The following ADAMTSL3 variants were observed in gnomAD, a reference collection of about 807,000 sequenced individuals.
The protein encoded by ADAMTSL3 is ADAMTS like 3, also known as ADAMTS-like protein 3.
A neutral mutation model predicts 201.7 loss-of-function variants in ADAMTSL3; 128 were observed. The observed-to-expected ratio is 0.63, with a 90% CI of 0.55 to 0.73. The LOEUF (loss-of-function observed/expected upper bound fraction) is 0.73, where lower values mean the gene tolerates loss of function less well. Ranked by LOEUF, ADAMTSL3 falls within the 30% of genes least tolerant of loss-of-function variation. The pLI is 0.00. For missense variants in ADAMTSL3, 1,990 were observed against 2,119.6 expected, an observed-to-expected ratio of 0.94 and a Z score of 1.20; for synonymous variants, 738 against 748.4, an observed-to-expected ratio of 0.99 and a Z score of 0.23.
At chr15:84,014,450 T>TA (rs2068054246) in intron 23 of ADAMTSL3, 92 bp from the exon 24 acceptor site, 6 of 1,212,804 alleles carry the variant, frequency 4.9e-6, no homozygotes, top group Non-Finnish European at 7.1e-6. Context: ...TATGCTGACT[T>TA]ACGGTCAAAA....
chr15:83,825,530 A>G (rs911389802), intron 6 of ADAMTSL3, among the ~76,000 whole-genome samples: 3 of 152,102 alleles, frequency 2.0e-5, no homozygotes, highest in Non-Finnish European at 4.4e-5. Flanking sequence ...TGAGGCAAGG[A>G]TTCGCTTGAG....
At chr15:83,916,855 T>C (rs920641969) in intron 16 of ADAMTSL3, among the ~76,000 whole-genome samples, 6 of 152,256 alleles carry the variant, frequency 3.9e-5, no homozygotes, top group African/African-American at 1.2e-4. Flanking sequence ...CACCAAGTTC[T>C]GCACTAAATC....
chr15:83,829,443 G>T (rs1334829967), intron 6 of ADAMTSL3, among the ~76,000 whole-genome samples: 2 of 152,060 alleles, frequency 1.3e-5, no homozygotes, highest in Non-Finnish European at 2.9e-5. Flanking sequence ...CTTGCTAGCA[G>T]TCTATCAATT....
At chr15:83,860,705 T>G (rs1158199585) in intron 8 of ADAMTSL3, among the ~76,000 whole-genome samples, 1 of 152,166 alleles carries the variant, frequency 6.6e-6, no homozygotes, top group Non-Finnish European at 1.5e-5. Flanking sequence ...GATGGCCGAA[T>G]AGGAATAGCT....
chr15:83,716,334 C>T lies in ADAMTSL3; in HGVS notation c.189+11826C>T, dbSNP rs140288868. On this transcript the variant is annotated intron_variant, in intron 3 of 29. Coordinates refer to ENST00000286744, the MANE Select transcript of ADAMTSL3 (RefSeq NM_207517.3). ...CCTGGCCAACATAGTGAAACCCTGTCTCTACTAAAAACACACACACACACA... is the reference window on the plus strand; with the variant it reads ...CCTGGCCAACATAGTGAAACCCTGTTTCTACTAAAAACACACACACACACA... Among the ~76,000 whole-genome samples the T allele has an allele frequency of 4.4e-3, 553 of 124,484 alleles. 1 individual carries two copies. The highest frequency in any genetic ancestry group is 0.02 in the African/African-American group (531 of 27,134). 81.7% of individuals were successfully genotyped at this position (124,484 alleles called of 152,430 possible).
chr15:83,730,191 G>A (rs2062243581), intron 3 of ADAMTSL3, among the ~76,000 whole-genome samples: 1 of 152,038 alleles, frequency 6.6e-6, no homozygotes, highest in South Asian at 2.1e-4. Flanking sequence ...TTTAAGAGAT[G>A]GATAACATCT....
intron 4 of ADAMTSL3, among the ~76,000 whole-genome samples, chr15:83,804,361 A>G (rs963524069): frequency 6.6e-6 from 1 of 152,182 alleles, no homozygotes; most frequent in Non-Finnish European, 1.5e-5. Flanking sequence ...CACATATTGT[A>G]CATTAATTGT....
chr15:83,929,697 C>CACACACACAGAGAG, intron 17 of ADAMTSL3, among the ~76,000 whole-genome samples: 1 of 150,740 alleles, frequency 6.6e-6, no homozygotes, highest in African/African-American at 2.4e-5. Context: ...CACACACACA[C>CACACACACAGAGAG]ACAGAGAGAG....
chr15:83,922,325 G>T (rs2066162311), intron 16 of ADAMTSL3, among the ~76,000 whole-genome samples: 1 of 152,154 alleles, frequency 6.6e-6, no homozygotes, highest in Non-Finnish European at 1.5e-5. Context: ...AGAAAAGTGT[G>T]TCATGAGTGT....
Position 83,894,520 on chromosome 15 carries a change from T to C in ADAMTSL3, c.1467+1632T>C, listed in dbSNP as rs141273954. On this transcript the variant is annotated intron_variant, in intron 13 of 29. Transcript: ENST00000286744. ...AATTTAAATGCCATGATAATTTCTG[T>C]CTTTGCCATCTTTCATTTAAAAAAT... Among the ~76,000 whole-genome samples the C allele has an allele frequency of 7.2e-5, 11 of 152,316 alleles. No homozygotes were observed. In the East Asian group the frequency reaches 2.1e-3, roughly 29 times the overall value.
At chr15:83,844,337 A>AT (rs138107846) in intron 7 of ADAMTSL3, among the ~76,000 whole-genome samples, 4,685 of 152,218 alleles carry the variant, frequency 0.031, 230 homozygotes, top group African/African-American at 0.1. Context: ...AATTCTTAAG[A>AT]TTTTTTCCCT....
chr15:83,917,462 T>C (rs966118403), intron 16 of ADAMTSL3, among the ~76,000 whole-genome samples: 60 of 152,212 alleles, frequency 3.9e-4, no homozygotes, highest in Admixed American at 1.5e-3. Flanking sequence ...TATGTATATG[T>C]ATGTATGCAT....
intron 7 of ADAMTSL3, among the ~76,000 whole-genome samples, chr15:83,844,851 G>A (rs904605983): frequency 1.3e-5 from 2 of 152,206 alleles, no homozygotes; most frequent in African/African-American, 2.4e-5. Context: ...CAGACAGACT[G>A]TGAACTCCCT....
chr15:83,999,375 C>G (rs1185050775), intron 23 of ADAMTSL3, among the ~76,000 whole-genome samples: 1 of 151,998 alleles, frequency 6.6e-6, no homozygotes, highest in Non-Finnish European at 1.5e-5. Flanking sequence ...AAAAGAGTAA[C>G]AGGAATGGAA....
chr15:83,797,376 G>C (rs1385783557), intron 4 of ADAMTSL3, among the ~76,000 whole-genome samples: 2 of 152,148 alleles, frequency 1.3e-5, no homozygotes, highest in East Asian at 3.9e-4. Flanking sequence ...ACTTTGGGAG[G>C]CCACGATGCG....
chr15:83,736,818 T>C (rs1596113524), intron 3 of ADAMTSL3, among the ~76,000 whole-genome samples: 1 of 152,296 alleles, frequency 6.6e-6, no homozygotes, highest in East Asian at 1.9e-4. Flanking sequence ...TACCAACATA[T>C]TCTTCCAGAC....
intron 14 of ADAMTSL3, among the ~76,000 whole-genome samples, chr15:83,899,317 G>C (rs938261298): frequency 3.3e-5 from 5 of 152,184 alleles, no homozygotes; most frequent in African/African-American, 1.2e-4. Context: ...ATAGCAAGCT[G>C]ATATGGTTGA....
At chr15:84,001,102 C>A (rs2067784502) in intron 23 of ADAMTSL3, among the ~76,000 whole-genome samples, 1 of 152,166 alleles carries the variant, frequency 6.6e-6, no homozygotes, top group African/African-American at 2.4e-5. Context: ...GATTATTGGA[C>A]CCCAAAAAGC....
chr15:83,945,472 T>C (rs1291820441), intron 19 of ADAMTSL3, among the ~76,000 whole-genome samples: 1 of 152,130 alleles, frequency 6.6e-6, no homozygotes, highest in Non-Finnish European at 1.5e-5. Flanking sequence ...AATCATTCTT[T>C]TGGGAATTCC....
Sources: allele counts gnomAD v4.1 joint callset (sites outside exome capture counted in the v4.1 genomes callset), GRCh38; gene constraint gnomAD v4.1.1; transcripts MANE v1.5; gene names NCBI Gene and HGNC (gene_info 2026-07-23, HGNC 2026-07-21).